Variants in DNAH14 observed in about 807,000 individuals in gnomAD.
DNAH14 encodes axonemal beta dynein heavy chain 14.
DNAH14 carries 478 observed loss-of-function variants against 520.9 expected under a neutral mutation model. The observed-to-expected ratio is 0.92, with a 90% CI of 0.85 to 0.99. DNAH14 has a LOEUF of 0.99. DNAH14 is among the 50% of genes least tolerant of loss of function. The pLI is 0.00. For synonymous variants in DNAH14, 1,581 were observed against 1,757.2 expected (o/e 0.90, Z 2.51); for missense variants, 4,831 against 5,234.5 (o/e 0.92, Z 2.38).
chr1:225,256,899 A>C (rs564652247), intron 44 of DNAH14, among the ~76,000 whole-genome samples: 2 of 151,848 alleles, frequency 1.3e-5, no homozygotes, highest in Non-Finnish European at 2.9e-5. Flanking sequence ...CCCATTTGCT[A>C]TTTTAAAAAA....
intron 23 of DNAH14, among the ~76,000 whole-genome samples, chr1:225,103,929 T>A (rs2075768910): frequency 3.0e-5 from 4 of 134,550 alleles, no homozygotes; most frequent in Admixed American, 8.7e-5. Flanking sequence ...AACACTATGT[T>A]GAATAGGAGT....
At chr1:225,147,308 A>C in intron 31 of DNAH14, 59 bp downstream of exon 31, 1 of 1,403,828 alleles carries the variant, frequency 7.1e-7, no homozygotes, top group Non-Finnish European at 9.3e-7. Flanking sequence ...CTTAATGTTT[A>C]GTTAATTATT....
Position 225,057,300 on chromosome 1 carries a change from A to G in DNAH14, c.2424+5505A>G, listed in dbSNP as rs1237742141. ...TTTTATTCTCCTTGCAGCAATTGTG[A>G]ATGGAAGTTCGCTCATGATTTGGCT... On this transcript the variant is annotated intron_variant, in intron 17 of 85. Transcript: ENST00000682510. Among the ~76,000 whole-genome samples the G allele has an allele frequency of 2.0e-5, 3 of 152,172 alleles. No homozygotes were observed. The South Asian group carries it at 6.2e-4, about 31-fold the overall frequency.
intron 17 of DNAH14, among the ~76,000 whole-genome samples, chr1:225,062,030 C>T (rs1363775430): frequency 6.6e-6 from 1 of 152,184 alleles, no homozygotes; most frequent in African/African-American, 2.4e-5. Flanking sequence ...GGTACATTGG[C>T]TCATGCCTCT....
At chr1:225,030,748 C>T (rs2066464001) in intron 11 of DNAH14, among the ~76,000 whole-genome samples, 1 of 151,938 alleles carries the variant, frequency 6.6e-6, no homozygotes, top group African/African-American at 2.4e-5. Flanking sequence ...TCTGTCCTTC[C>T]ACCAATATCT....
intron 1 of DNAH14, among the ~76,000 whole-genome samples, chr1:224,949,173 T>C (rs2060017459): frequency 6.6e-6 from 1 of 152,186 alleles, no homozygotes; most frequent in Admixed American, 6.5e-5. Flanking sequence ...ATTGAAAATA[T>C]TGTATCATTT....
At chr1:225,048,745 A>G (rs1158886844) in intron 15 of DNAH14, among the ~76,000 whole-genome samples, 2 of 152,154 alleles carry the variant, frequency 1.3e-5, no homozygotes, top group Admixed American at 6.5e-5. Context: ...TTGATGGGGC[A>G]TATGGTAGTA....
At chr1:225,017,210 C>T (rs954551124) in intron 10 of DNAH14, among the ~76,000 whole-genome samples, 1 of 152,084 alleles carries the variant, frequency 6.6e-6, no homozygotes, top group Non-Finnish European at 1.5e-5. Flanking sequence ...ATTTCCAAAA[C>T]TTAAGTTATC....
At chr1:225,182,621 CCCCAGGCAGCACGGAG>C (rs1214012019) in intron 36 of DNAH14, among the ~76,000 whole-genome samples, 1 of 152,180 alleles carries the variant, frequency 6.6e-6, no homozygotes, top group Non-Finnish European at 1.5e-5. Flanking sequence ...CCTACCCCAA[CCCCAGGCAGCACGGAG>C]CCCAGGGAAA....
chr1:225,272,531 A>G (rs1434693179), intron 51 of DNAH14, among the ~76,000 whole-genome samples: 1 of 152,208 alleles, frequency 6.6e-6, no homozygotes, highest in Non-Finnish European at 1.5e-5. Context: ...TTTCTCCCCT[A>G]ACTGTGGGAC....
intron 36 of DNAH14, among the ~76,000 whole-genome samples, chr1:225,171,829 A>G (rs1208791046): frequency 6.6e-6 from 1 of 152,104 alleles, no homozygotes; most frequent in Non-Finnish European, 1.5e-5. Flanking sequence ...AGAATTTTAG[A>G]CCAGTATCCC....
chr1:225,098,694 G>A (rs1332378566), intron 22 of DNAH14, among the ~76,000 whole-genome samples: 1 of 152,128 alleles, frequency 6.6e-6, no homozygotes, highest in Admixed American at 6.5e-5. Context: ...GTTCTCAAAG[G>A]TGAAACCACA....
intron 1 of DNAH14, among the ~76,000 whole-genome samples, chr1:224,946,760 C>G (rs2059860107): frequency 6.6e-6 from 1 of 151,346 alleles, no homozygotes; most frequent in Non-Finnish European, 1.5e-5. Flanking sequence ...CTTTGGAAAA[C>G]TTTCTTTGTC....
chr1:225,138,012 T>C (rs887767045), intron 27 of DNAH14, among the ~76,000 whole-genome samples: 7 of 152,082 alleles, frequency 4.6e-5, no homozygotes, highest in Non-Finnish European at 7.4e-5. Flanking sequence ...AGTCTGGCCA[T>C]GATCTGGCAA....
At chr1:225,241,148 A>T (rs2091938968) in intron 43 of DNAH14, among the ~76,000 whole-genome samples, 2 of 152,058 alleles carry the variant, frequency 1.3e-5, no homozygotes, top group African/African-American at 4.8e-5. Flanking sequence ...GTTCTGTAGG[A>T]TCATAATATT....
chr1:225,118,487 C>T (rs1276114886), intron 25 of DNAH14, among the ~76,000 whole-genome samples: 1 of 152,146 alleles, frequency 6.6e-6, no homozygotes, highest in Non-Finnish European at 1.5e-5. Context: ...GGCTCTCTAA[C>T]CTTTGGCAAG....
At chr1:225,218,050 C>T (rs2089611538) in intron 41 of DNAH14, among the ~76,000 whole-genome samples, 1 of 152,098 alleles carries the variant, frequency 6.6e-6, no homozygotes, top group African/African-American at 2.4e-5. Flanking sequence ...TAATATCCAG[C>T]CAAACTAAGC....
intron 10 of DNAH14, among the ~76,000 whole-genome samples, chr1:225,022,347 G>A (rs2065773836): frequency 6.6e-6 from 1 of 152,140 alleles, no homozygotes; most frequent in East Asian, 1.9e-4. Flanking sequence ...TTCACAATCT[G>A]TGCATCTGAC....
intron 9 of DNAH14, among the ~76,000 whole-genome samples, chr1:225,004,287 T>C (rs532045752): frequency 9.2e-5 from 14 of 152,170 alleles, no homozygotes; most frequent in African/African-American, 3.1e-4. Flanking sequence ...TCATTCTACC[T>C]AACCCATTAG....
Sources: allele counts gnomAD v4.1 joint callset (sites outside exome capture counted in the v4.1 genomes callset), GRCh38; gene constraint gnomAD v4.1.1; transcripts MANE v1.5; gene names NCBI Gene and HGNC (gene_info 2026-07-23, HGNC 2026-07-21).